The following GRIA4 variants were observed in gnomAD, a reference collection of about 807,000 sequenced individuals.
GRIA4 encodes glutamate ionotropic receptor AMPA type subunit 4, also known as glutamate receptor 4.
Under a neutral mutation model 104.0 loss-of-function variants are expected in GRIA4, and 34 were observed. That is an observed-to-expected ratio of 0.33 (90% CI 0.25 to 0.44). GRIA4 has a LOEUF of 0.44. Ranked by LOEUF, GRIA4 falls within the 20% of genes least tolerant of loss-of-function variation. GRIA4 has a pLI of 1.00. For synonymous variants in GRIA4, 386 were observed against 381.9 expected, an observed-to-expected ratio of 1.01 and a Z score of -0.13; for missense variants, 750 against 1,096.5, an observed-to-expected ratio of 0.68 and a Z score of 4.46.
intron 4 of GRIA4, among the ~76,000 whole-genome samples, chr11:105,784,089 A>T (rs2135782353): frequency 6.6e-6 from 1 of 152,326 alleles, no homozygotes; most frequent in Non-Finnish European, 1.5e-5. Context: ...GGAGACAATA[A>T]TAGTACTTTC....
chr11:105,925,912 G>T (rs1947689859), intron 12 of GRIA4, among the ~76,000 whole-genome samples: 2 of 152,068 alleles, frequency 1.3e-5, no homozygotes, highest in Non-Finnish European at 2.9e-5. Flanking sequence ...GTTACAATAA[G>T]TGAGTTCAAT....
At chr11:105,898,142 C>A in intron 6 of GRIA4, 127 bp from the exon 7 acceptor site, 3 of 457,256 alleles carry the variant, frequency 6.6e-6, no homozygotes, top group Non-Finnish European at 1.2e-5. Flanking sequence ...TTATCATTTT[C>A]CACATTTTTA....
At chr11:105,684,457 G>A (rs1952807832) in intron 3 of GRIA4, among the ~76,000 whole-genome samples, 2 of 151,178 alleles carry the variant, frequency 1.3e-5, no homozygotes, top group South Asian at 4.2e-4. Flanking sequence ...ATGAGATTAT[G>A]TTGACTTAGA....
chr11:105,769,522 G>A (rs937103558), intron 4 of GRIA4, among the ~76,000 whole-genome samples: 3 of 152,042 alleles, frequency 2.0e-5, no homozygotes, highest in Non-Finnish European at 4.4e-5. Flanking sequence ...GGAGAATGGG[G>A]CTGACAAGTT....
rs1565378057 is a variant in GRIA4, at chr11:105,979,564, AT to A, written c.2545-10del. The A allele has an allele frequency of 6.2e-7, 1 of 1,613,062 alleles. No homozygotes were observed. The highest frequency in any genetic ancestry group is 1.6e-4 in the Middle Eastern group (1 of 6,082). On this transcript the variant is annotated splice_polypyrimidine_tract_variant and intron_variant, in intron 16 of 16. Coordinates refer to ENST00000282499, the MANE Select transcript of GRIA4 (RefSeq NM_000829.4). ...TCCGCGTTCTTTCTGCTTCCTTTCCATGCAACCCAGCTGACCTTTTCTGAAG... is the reference window on the plus strand; with the variant it reads ...TCCGCGTTCTTTCTGCTTCCTTTCCAGCAACCCAGCTGACCTTTTCTGAAG...
intron 4 of GRIA4, among the ~76,000 whole-genome samples, chr11:105,767,699 G>T (rs977058101): frequency 6.6e-6 from 1 of 152,022 alleles, no homozygotes. Context: ...AGCTCTAAAA[G>T]CTTTACACAT....
At position 105,623,059 on chromosome 11, in the gene GRIA4, A is replaced by G. The variant is rs1288681016; in HGVS notation, c.247+10625A>G. 3.8e-3 allele frequency among the ~76,000 whole-genome samples: 80 copies of G among 21,034 alleles called. 1 individual carries two copies. Among genetic ancestry groups the G allele is most frequent in the African/African-American group, 0.032 (66 of 2,064 alleles). 13.8% of individuals were successfully genotyped at this position (21,034 alleles called of 152,430 possible). Reference sequence around the variant, plus strand: ...GGCCAAGTAGTATTCCATTGTATATATATATATATATATATATATATATAT... The same window carrying G: ...GGCCAAGTAGTATTCCATTGTATATGTATATATATATATATATATATATAT... On this transcript the variant is annotated intron_variant, in intron 3 of 16. Coordinates refer to ENST00000282499, the MANE Select transcript of GRIA4 (RefSeq NM_000829.4).
rs369559524 is a variant in GRIA4, at chr11:105,972,962, A to G, written c.2409+934A>G. Among the ~76,000 whole-genome samples the G allele has an allele frequency of 2.6e-5, 4 of 152,274 alleles. No individual in the cohort carries two copies. The East Asian group carries it at 7.7e-4, about 29-fold the overall frequency. On this transcript the variant is annotated intron_variant, in intron 15 of 16. Transcript: ENST00000282499. Reference sequence around the variant, plus strand: ...GGAGAGCCTCAATTAATTTAAGGAGACAAACTAATGTTAATGAATCCCTTT... The same window carrying G: ...GGAGAGCCTCAATTAATTTAAGGAGGCAAACTAATGTTAATGAATCCCTTT...
chr11:105,803,525 C>T (rs921394799), intron 4 of GRIA4, among the ~76,000 whole-genome samples: 1 of 151,804 alleles, frequency 6.6e-6, no homozygotes, highest in African/African-American at 2.4e-5. Context: ...GTGAAAATTA[C>T]ATTACACTAA....
At chr11:105,930,320 G>T (rs1206376816) in intron 13 of GRIA4, among the ~76,000 whole-genome samples, 1 of 152,024 alleles carries the variant, frequency 6.6e-6, no homozygotes, top group Non-Finnish European at 1.5e-5. Context: ...CTAAAGATTA[G>T]CATGGTGACA....
chr11:105,633,028 C>T (rs1951078439), intron 3 of GRIA4, among the ~76,000 whole-genome samples: 1 of 152,064 alleles, frequency 6.6e-6, no homozygotes, highest in Non-Finnish European at 1.5e-5. Flanking sequence ...AATAAAAGGT[C>T]CTAAAGCAAT....
intron 3 of GRIA4, among the ~76,000 whole-genome samples, chr11:105,742,084 G>A (rs1939346772): frequency 6.6e-6 from 1 of 152,140 alleles, no homozygotes. Flanking sequence ...GTGGCAGTTA[G>A]TGTGTTACAT....
At chr11:105,805,453 G>T (rs1404974403) in intron 4 of GRIA4, among the ~76,000 whole-genome samples, 1 of 105,082 alleles carries the variant, frequency 9.5e-6, no homozygotes, top group Non-Finnish European at 1.8e-5. Flanking sequence ...GTAGTGTAAA[G>T]ACCAAGTGGA....
At chr11:105,697,155 A>G (rs1321835457) in intron 3 of GRIA4, among the ~76,000 whole-genome samples, 1 of 152,220 alleles carries the variant, frequency 6.6e-6, no homozygotes, top group Non-Finnish European at 1.5e-5. Context: ...TATAGAACAA[A>G]AGGAAAACAA....
At chr11:105,909,064 G>T (rs748726480) in intron 9 of GRIA4, among the ~76,000 whole-genome samples, 18 of 152,096 alleles carry the variant, frequency 1.2e-4, no homozygotes, top group Non-Finnish European at 2.1e-4. Context: ...AGGGACTATT[G>T]AAAAAACTTG....
intron 3 of GRIA4, among the ~76,000 whole-genome samples, chr11:105,648,912 G>A (rs1951608992): frequency 6.6e-6 from 1 of 152,188 alleles, no homozygotes; most frequent in Non-Finnish European, 1.5e-5. Context: ...GTGGACTAGA[G>A]AAGCTAACGG....
rs548299344 is a variant in GRIA4, at chr11:105,926,559, T to C, written c.1848-182T>C. Reference sequence around the variant, plus strand: ...TTTTCAGTGGCATTTATATATTAAATACACCATAGAAGACATCAGATTATA... The same window carrying C: ...TTTTCAGTGGCATTTATATATTAAACACACCATAGAAGACATCAGATTATA... On this transcript the variant is annotated intron_variant, in intron 12 of 16. Coordinates refer to ENST00000282499, the MANE Select transcript of GRIA4 (RefSeq NM_000829.4). Among the ~76,000 whole-genome samples the C allele has an allele frequency of 4.1e-4, 62 of 152,264 alleles. 2 individuals carry two copies. The East Asian group carries it at 0.01, about 26-fold the overall frequency.
At chr11:105,645,855 G>C (rs1335498370) in intron 3 of GRIA4, among the ~76,000 whole-genome samples, 1 of 152,122 alleles carries the variant, frequency 6.6e-6, no homozygotes, top group Non-Finnish European at 1.5e-5. Context: ...TTGCAGAAAT[G>C]AGTACAAGAA....
At chr11:105,652,483 G>C (rs1192934602) in intron 3 of GRIA4, among the ~76,000 whole-genome samples, 1 of 152,082 alleles carries the variant, frequency 6.6e-6, no homozygotes, top group African/African-American at 2.4e-5. Context: ...TTTTAACGGA[G>C]TTTCTTTTAT....
Sources: gnomAD v4.1 joint callset for allele counts (sites outside exome capture counted in the v4.1 genomes callset) on GRCh38, gnomAD v4.1.1 for gene constraint, MANE v1.5 for transcripts, NCBI Gene and HGNC (gene_info 2026-07-23, HGNC 2026-07-21) for gene names.